SNX2: variants seen among roughly 807,000 people sequenced by gnomAD.
The protein encoded by SNX2 is sorting nexin-2.
A neutral mutation model predicts 69.9 loss-of-function variants in SNX2; 25 were observed. That is an observed-to-expected ratio of 0.36 (90% confidence interval 0.26 to 0.50). SNX2 has a LOEUF of 0.50. Among genes scored for constraint, SNX2 ranks in the 20% least tolerant of loss-of-function variants. The pLI is 0.97. For missense variants in SNX2, 551 were observed against 613.3 expected (o/e 0.90, Z 1.07); for synonymous variants, 229 against 200.4 (o/e 1.14, Z -1.20).
rs935752014 is a variant in SNX2, at chr5:122,808,472, G to A, written c.722+117G>A. On this transcript the variant is annotated intron_variant, in intron 7 of 14. Coordinates refer to ENST00000379516, the MANE Select transcript of SNX2 (RefSeq NM_003100.4). ...TAAATTTTTTCCAAAGTACCACTTGGTGGCTTTTAAGACTGCTTTAAACTT... is the reference window on the plus strand; with the variant it reads ...TAAATTTTTTCCAAAGTACCACTTGATGGCTTTTAAGACTGCTTTAAACTT... 7.5e-6 allele frequency: 5 copies of A among 670,522 alleles called. No individual in the cohort carries two copies. The Admixed American group carries it at 1.7e-4, about 23-fold the overall frequency. 41.5% of individuals were successfully genotyped at this position (670,522 alleles called of 1,614,324 possible). A position where few individuals can be genotyped will look rare whatever the true frequency, so the allele number is the denominator to read the frequency against.
intron 6 of SNX2, among the ~76,000 whole-genome samples, chr5:122,806,138 G>GCACA (rs1314424933): frequency 3.2e-5 from 2 of 61,602 alleles, no homozygotes; most frequent in Admixed American, 1.6e-4. Flanking sequence ...ATACACACGC[G>GCACA]CGCGCACACA....
At chr5:122,787,003 A>T (rs528349981) in intron 1 of SNX2, among the ~76,000 whole-genome samples, 1 of 152,344 alleles carries the variant, frequency 6.6e-6, no homozygotes, top group East Asian at 1.9e-4. Context: ...ATGTCTACTC[A>T]GTTGTATATC....
At chr5:122,787,134 A>T (rs1003610054) in intron 1 of SNX2, among the ~76,000 whole-genome samples, 1 of 152,176 alleles carries the variant, frequency 6.6e-6, no homozygotes, top group Non-Finnish European at 1.5e-5. Flanking sequence ...TCCATCCACT[A>T]GAAAATAGCT....
rs866050848 is a variant in SNX2, at chr5:122,817,021, C to T, written c.905C>T (p.Ser302Leu). ...VNKMTIKMNE[S>L]DAWFEEKQQQ... ...AAAATGACAATCAAGATGAATGAATCGGATGCAGTAAGAGCTGATTTTTCG... is the reference window on the plus strand; with the variant it reads ...AAAATGACAATCAAGATGAATGAATTGGATGCAGTAAGAGCTGATTTTTCG... Residue 302 changes from serine to leucine, a missense_variant, in exon 9 of 15, where the codon TCG (serine) becomes TTG (leucine). Transcript: ENST00000379516. 23 of 1,607,750 alleles carry T rather than the reference C, an allele frequency of 1.4e-5. No homozygotes were observed. The highest frequency in any genetic ancestry group is 5.1e-5 in the Admixed American group (3 of 59,388).
At position 122,780,947 on chromosome 5, in the gene SNX2, T is replaced by A. The variant is rs78179817; in HGVS notation, c.108+5736T>A. Among the ~76,000 whole-genome samples, 438 of 152,312 alleles carry A rather than the reference T, an allele frequency of 2.9e-3. 1 individual carries two copies. The highest frequency in any genetic ancestry group is 4.4e-3 in the Non-Finnish European group (298 of 68,020). On this transcript the variant is annotated intron_variant, in intron 1 of 14. Transcript: ENST00000379516. ...ATTTTTTGAAAATTTCATTACGAATTATCTATGTTTCAGAGGGAAAAATTT... is the reference window on the plus strand; with the variant it reads ...ATTTTTTGAAAATTTCATTACGAATAATCTATGTTTCAGAGGGAAAAATTT...
At chr5:122,817,750 A>T (rs908248870) in intron 10 of SNX2, among the ~76,000 whole-genome samples, 1 of 152,094 alleles carries the variant, frequency 6.6e-6, no homozygotes, top group Admixed American at 6.5e-5. Flanking sequence ...TGATTATAAT[A>T]AAAAAACTTG....
intron 14 of SNX2, chr5:122,828,140 T>C (rs1261315245): frequency 6.6e-6 from 1 of 152,228 alleles, no homozygotes; most frequent in African/African-American, 2.4e-5. Flanking sequence ...TAATGGTATA[T>C]TAAATAAAAA....
intron 10 of SNX2, among the ~76,000 whole-genome samples, chr5:122,817,575 T>C (rs1002081649): frequency 6.6e-5 from 10 of 152,044 alleles, no homozygotes; most frequent in Admixed American, 5.9e-4. Context: ...AGTAGAAAAA[T>C]AACGAGCTTA....
At chr5:122,815,563 A>G (rs1050967170) in intron 7 of SNX2, 2 of 162,810 alleles carry the variant, frequency 1.2e-5, no homozygotes, top group African/African-American at 4.8e-5. Flanking sequence ...ACCCAAAGAT[A>G]AAATGATGCA....
In SNX2 at chr5:122,833,763, G is replaced by C. The variant is rs1310019987; in HGVS notation, c.*4115G>C. On this transcript the variant is annotated 3_prime_UTR_variant, in exon 15 of 15. Transcript: ENST00000379516. Reference sequence around the variant, plus strand: ...AAGTTTCATTGTACACATGAAATGAGTTTACTGTGGAAATGAAAATGCAGA... The same window carrying C: ...AAGTTTCATTGTACACATGAAATGACTTTACTGTGGAAATGAAAATGCAGA... 2 of 151,086 alleles carry C rather than the reference G, an allele frequency of 1.3e-5. No individual in the cohort carries two copies. Among genetic ancestry groups the C allele is most frequent in the African/African-American group, 2.4e-5 (1 of 41,296 alleles). 9.4% of individuals were successfully genotyped at this position (151,086 alleles called of 1,614,324 possible).
At chr5:122,826,441 T>TA (rs1024787115) in intron 12 of SNX2, among the ~76,000 whole-genome samples, 1 of 151,994 alleles carries the variant, frequency 6.6e-6, no homozygotes, top group Admixed American at 6.6e-5. Flanking sequence ...CATTAATAAT[T>TA]ACACATTTTT....
At chr5:122,802,225 G>C in intron 5 of SNX2, 101 bp downstream of exon 5, 2 of 1,013,504 alleles carry the variant, frequency 2.0e-6, no homozygotes, top group Non-Finnish European at 3.1e-6. Context: ...TCTTTATAAA[G>C]GTTACCACCT....
chr5:122,817,625 AAAG>A (rs1192376446), intron 10 of SNX2, among the ~76,000 whole-genome samples: 1 of 152,138 alleles, frequency 6.6e-6, no homozygotes. Context: ...GAGCTAAAAA[AAAG>A]AACAAAGAAA....
intron 3 of SNX2, among the ~76,000 whole-genome samples, chr5:122,800,739 T>G (rs1267413003): frequency 6.6e-6 from 1 of 152,224 alleles, no homozygotes; most frequent in African/African-American, 2.4e-5. Context: ...AGTTTTACTT[T>G]AAAAATATCT....
At position 122,816,915 on chromosome 5, in the gene SNX2, C is replaced by G. The variant is rs769233216; in HGVS notation, c.799C>G (p.Leu267Val). ...GCCCTTATTTGTCATTCAATTCCAG[C>G]TGCCTAGAGCAGTTAATACACAGGC... ...DLRQFLESSE[L>V]PRAVNTQALS... The change falls in exon 9 of 15, where the codon CTG becomes GTG. Residue 267 changes from leucine to valine, a missense_variant and splice_region_variant. Coordinates refer to ENST00000379516, the MANE Select transcript of SNX2 (RefSeq NM_003100.4). 1.4e-5 allele frequency: 22 copies of G among 1,596,394 alleles called. No homozygotes were observed. The highest frequency in any genetic ancestry group is 1.9e-5 in the Non-Finnish European group (22 of 1,167,156).
Position 122,834,368 on chromosome 5 carries a change from C to A in SNX2, c.*4720C>A, listed in dbSNP as rs1754362851. ...TAATTTTAAGTATTTCTTAACTGGG[C>A]AAAATGGAAACTTTGTAACTGAAGC... On this transcript the variant is annotated 3_prime_UTR_variant, in exon 15 of 15. Coordinates refer to ENST00000379516, the MANE Select transcript of SNX2 (RefSeq NM_003100.4). 6.6e-6 allele frequency: 1 copy of A among 151,958 alleles called. No individual in the cohort carries two copies. Among genetic ancestry groups the A allele is most frequent in the Non-Finnish European group, 1.5e-5 (1 of 67,996 alleles). The allele number at this position is 151,958 out of a possible 1,614,324, so 9.4% of individuals were successfully genotyped here. A position where few individuals can be genotyped will look rare whatever the true frequency, so the allele number is the denominator to read the frequency against.
At chr5:122,796,122 A>G (rs955605128) in intron 2 of SNX2, among the ~76,000 whole-genome samples, 1 of 152,166 alleles carries the variant, frequency 6.6e-6, no homozygotes, top group Non-Finnish European at 1.5e-5. Flanking sequence ...GGATTTTCAC[A>G]CTAAACATTT....
chr5:122,777,504 TTTAAC>T (rs1265609815), intron 1 of SNX2, among the ~76,000 whole-genome samples: 11 of 152,218 alleles, frequency 7.2e-5, no homozygotes, highest in African/African-American at 4.8e-5. Context: ...ATTAATGTCT[TTTAAC>T]TTAAAGTAAG....
Position 122,826,193 on chromosome 5 carries a change from G to A in SNX2, c.1356G>A (p.Glu452=). ...AGCAAGCTAAAAATGAAATAAGAGA[G>A]GTGATTACTAAATGCTTTAATCTCT... ...KIQQAKNEIR[E]WEAKVQQGER... is the part of the protein sequence containing the mutation. The change falls in exon 12 of 15, where the codon GAG becomes GAA. Residue 452 remains glutamate, a splice_region_variant and synonymous_variant. Transcript: ENST00000379516. 1.2e-6 allele frequency: 2 copies of A among 1,609,106 alleles called. No individual in the cohort carries two copies. Among genetic ancestry groups the A allele is most frequent in the Non-Finnish European group, 1.7e-6 (2 of 1,176,890 alleles).
Sources: allele counts gnomAD v4.1 joint callset (sites outside exome capture counted in the v4.1 genomes callset), GRCh38; gene constraint gnomAD v4.1.1; transcripts MANE v1.5; gene names NCBI Gene and HGNC (gene_info 2026-07-23, HGNC 2026-07-21).